Variants in PROX1 observed in about 807,000 individuals in gnomAD.
PROX1 encodes prospero homeobox protein 1.
A neutral mutation model predicts 58.8 loss-of-function variants in PROX1; 7 were observed. The ratio of observed to expected loss-of-function variants is 0.12; its 90% CI spans 0.07 to 0.22. The LOEUF (loss-of-function observed/expected upper bound fraction) is 0.22. Among genes scored for constraint, PROX1 ranks in the 10% least tolerant of loss-of-function variants. The probability of loss-of-function intolerance (pLI) is 1.00; values close to 1 mark genes in which losing one functional copy is unlikely to be tolerated. For missense variants in PROX1, 675 were observed against 927.8 expected (o/e 0.73, Z 3.54); for synonymous variants, 350 against 358.3 (o/e 0.98, Z 0.26).
At chr1:214,019,351 G>T (rs12081352) in intron 4 of PROX1, among the ~76,000 whole-genome samples, 3,701 of 152,188 alleles carry the variant, frequency 0.024, 47 homozygotes, top group African/African-American at 0.036. Flanking sequence ...CACGGGTTCT[G>T]GGAAATTTGT....
At chr1:214,004,878 G>A (rs905841873) in intron 2 of PROX1, among the ~76,000 whole-genome samples, 9 of 152,146 alleles carry the variant, frequency 5.9e-5, no homozygotes, top group African/African-American at 2.2e-4. Flanking sequence ...ATAGCCTACC[G>A]ACCTAAAGCA....
chr1:214,006,927 A>G (rs1663734985), intron 3 of PROX1, among the ~76,000 whole-genome samples: 1 of 152,220 alleles, frequency 6.6e-6, no homozygotes, highest in Non-Finnish European at 1.5e-5. Flanking sequence ...TACCAACTGC[A>G]CACATAGGTG....
At chr1:214,029,742 G>A (rs1313213880) in intron 4 of PROX1, 2 of 152,284 alleles carry the variant, frequency 1.3e-5, no homozygotes, top group East Asian at 3.9e-4. Context: ...CCTCTTGAAT[G>A]CAGTTGACTT....
chr1:214,033,229 G>T (rs577819596), intron 4 of PROX1, among the ~76,000 whole-genome samples: 1 of 152,188 alleles, frequency 6.6e-6, no homozygotes. Context: ...AGTGCTCAAG[G>T]AACATAGAAT....
chr1:213,987,288 A>G (rs1662847265), upstream of PROX1, among the ~76,000 whole-genome samples: 1 of 152,028 alleles, frequency 6.6e-6, no homozygotes, highest in Non-Finnish European at 1.5e-5. Context: ...CTATTATTTT[A>G]ATACCAAACC....
chr1:214,019,784 A>ATGCTTCATTAGCCCTGCTGCCGGCCTCCT (rs1664218968), intron 4 of PROX1, among the ~76,000 whole-genome samples: 1 of 152,188 alleles, frequency 6.6e-6, no homozygotes, highest in Non-Finnish European at 1.5e-5. Flanking sequence ...CACGCCGCAA[A>ATGCTTCATTAGCCCTGCTGCCGGCCTCCT]TGCTTCATTA....
At position 214,039,794 on chromosome 1, in the gene PROX1, T is replaced by C. The variant is rs1664949855; in HGVS notation, c.*3960T>C. On this transcript the variant is annotated 3_prime_UTR_variant, in exon 5 of 5. Coordinates refer to ENST00000366958, the MANE Select transcript of PROX1 (RefSeq NM_001270616.2). ...CACCCCCCCTTCCCATGCGCACATG[T>C]GCGCATACACACACACACACACACA... 6 of 147,970 alleles carry C rather than the reference T, an allele frequency of 4.1e-5. No homozygotes were observed. In the South Asian group the frequency reaches 1.3e-3, roughly 31 times the overall value. The allele number at this position is 147,970 out of a possible 1,614,324, so 9.2% of individuals were successfully genotyped here.
At chr1:213,992,944 G>A (rs917622649) in intron 1 of PROX1, among the ~76,000 whole-genome samples, 42 of 152,198 alleles carry the variant, frequency 2.8e-4, no homozygotes, top group African/African-American at 8.7e-4. Context: ...TTAGAATTTT[G>A]CATGTTAAAG....
At chr1:214,022,205 A>G (rs1320713758) in intron 4 of PROX1, among the ~76,000 whole-genome samples, 2 of 152,228 alleles carry the variant, frequency 1.3e-5, no homozygotes, top group Non-Finnish European at 2.9e-5. Context: ...TCTAGCAGTG[A>G]AACCCTGGCA....
intron 1 of PROX1, among the ~76,000 whole-genome samples, chr1:213,991,232 TC>T (rs1663024491): frequency 6.6e-6 from 1 of 152,238 alleles, no homozygotes; most frequent in African/African-American, 2.4e-5. Context: ...ATATCTGGCT[TC>T]TTAAAACTTG....
intron 3 of PROX1, among the ~76,000 whole-genome samples, chr1:214,008,435 C>A (rs899282677): frequency 7.9e-5 from 12 of 151,808 alleles, no homozygotes; most frequent in South Asian, 4.2e-4. Context: ...ACAAAAAAAA[C>A]CAGGAGAAAA....
Position 213,998,253 on chromosome 1 carries a change from G to T in PROX1, c.1718G>T (p.Gly573Val). 6.4e-7 allele frequency: 1 copy of T among 1,556,124 alleles called. No individual in the cohort carries two copies. Among genetic ancestry groups the T allele is most frequent in the Non-Finnish European group, 8.7e-7 (1 of 1,152,160 alleles). Reference sequence around the variant, plus strand: ...ATGTCTGAAATATCACCTTATTCGGGAAGTGCAATATCCTTTTATTTTCCC... The same window carrying T: ...ATGTCTGAAATATCACCTTATTCGGTAAGTGCAATATCCTTTTATTTTCCC... ...QDMSEISPYS[G>V]SAMQEGLSPN... The change falls in exon 2 of 5, where the codon GGA becomes GTA. Residue 573 changes from glycine to valine, a missense_variant. By Grantham distance (109) the Gly-to-Val change is moderately radical. This residue lies in a region of PROX1 where 39 missense variants were observed against 73.4 expected (regional missense o/e 0.53). Coordinates refer to ENST00000366958, the MANE Select transcript of PROX1 (RefSeq NM_001270616.2).
Position 214,035,937 on chromosome 1 carries a change from G to T in PROX1, c.*103G>T. ...TGATTTCATATATATGTGTATGGGA[G>T]GCATGGATATGTTATGAAATCAGCT... On this transcript the variant is annotated 3_prime_UTR_variant, in exon 5 of 5. Coordinates refer to ENST00000366958, the MANE Select transcript of PROX1 (RefSeq NM_001270616.2). The T allele has an allele frequency of 1.0e-6, 1 of 967,814 alleles. No individual in the cohort carries two copies. The allele number at this position is 967,814 out of a possible 1,614,324, so 60.0% of individuals were successfully genotyped here.
chr1:213,991,931 A>C (rs1663052541), intron 1 of PROX1, among the ~76,000 whole-genome samples: 1 of 152,218 alleles, frequency 6.6e-6, no homozygotes, highest in South Asian at 2.1e-4. Context: ...GATTTTAATT[A>C]AGTACCTGTG....
chr1:214,030,873 T>G (rs1450775864), intron 4 of PROX1: 1 of 152,442 alleles, frequency 6.6e-6, no homozygotes, highest in African/African-American at 2.4e-5. Flanking sequence ...CAGGCTTTTA[T>G]TATGTACTGC....
At position 214,039,121 on chromosome 1, in the gene PROX1, C is replaced by A. The variant is rs1019271879; in HGVS notation, c.*3287C>A. 2 of 152,002 alleles carry A rather than the reference C, an allele frequency of 1.3e-5. No homozygotes were observed. Among genetic ancestry groups the A allele is most frequent in the Non-Finnish European group, 2.9e-5 (2 of 68,020 alleles). The allele number at this position is 152,002 out of a possible 1,614,324, so 9.4% of individuals were successfully genotyped here. On this transcript the variant is annotated 3_prime_UTR_variant, in exon 5 of 5. Transcript: ENST00000366958. ...GTAAAAATATACATATATATATATG[C>A]GTGTGAAGTGGAAAGCTTACCTTTT...
chr1:213,999,574 G>A (rs949256236), intron 2 of PROX1, among the ~76,000 whole-genome samples: 7 of 148,792 alleles, frequency 4.7e-5, no homozygotes, highest in African/African-American at 1.7e-4. Flanking sequence ...AACTACTAGG[G>A]CCCTAATCAT....
chr1:214,029,940 C>T (rs1049075165), intron 4 of PROX1: 5 of 152,484 alleles, frequency 3.3e-5, no homozygotes, highest in Admixed American at 1.3e-4. Flanking sequence ...ACAGCCACAG[C>T]GGATTAGTTC....
upstream of PROX1, chr1:213,986,206 G>A (rs1046534368): frequency 3.9e-5 from 6 of 152,042 alleles, no homozygotes; most frequent in East Asian, 1.9e-4. Context: ...AGGTGTGAGT[G>A]GTGCGTGTGC....
Sources: gnomAD v4.1 joint callset for allele counts (sites outside exome capture counted in the v4.1 genomes callset) on GRCh38, gnomAD v4.1.1 for gene constraint, gnomAD v4.1.1 regional missense constraint, MANE v1.5 for transcripts, NCBI Gene and HGNC (gene_info 2026-07-23, HGNC 2026-07-21) for gene names.